ARHGAP26: variants seen among roughly 807,000 people sequenced by gnomAD.
The protein encoded by ARHGAP26 is rho GTPase-activating protein 26.
In ARHGAP26, 38 loss-of-function variants were observed where a neutral mutation model predicts 104.8. The ratio of observed to expected loss-of-function variants is 0.36; its 90% CI spans 0.28 to 0.48. ARHGAP26 has a LOEUF of 0.48. ARHGAP26 is among the 20% of genes least tolerant of loss of function. The pLI is 0.99. For synonymous variants in ARHGAP26, 341 were observed against 340.0 expected, an observed-to-expected ratio of 1.00 and a Z score of -0.03; for missense variants, 704 against 947.9, an observed-to-expected ratio of 0.74 and a Z score of 3.38.
chr5:143,105,796 C>T (rs1295459633), intron 17 of ARHGAP26, among the ~76,000 whole-genome samples: 1 of 152,198 alleles, frequency 6.6e-6, no homozygotes, highest in Non-Finnish European at 1.5e-5. Context: ...CATGTAGCTG[C>T]ACCGGGGCGT....
chr5:143,068,693 C>T (rs1787849674), intron 17 of ARHGAP26, among the ~76,000 whole-genome samples: 1 of 152,230 alleles, frequency 6.6e-6, no homozygotes, highest in Non-Finnish European at 1.5e-5. Flanking sequence ...AAGAATCTTT[C>T]TCAATCCCAT....
chr5:143,080,374 T>C (rs1789631059), intron 17 of ARHGAP26, among the ~76,000 whole-genome samples: 1 of 152,312 alleles, frequency 6.6e-6, no homozygotes, highest in South Asian at 2.1e-4. Flanking sequence ...ATTATAAAGA[T>C]AATTTCAGGT....
chr5:143,107,250 A>T (rs1794151111), intron 17 of ARHGAP26, among the ~76,000 whole-genome samples: 1 of 152,062 alleles, frequency 6.6e-6, no homozygotes, highest in Non-Finnish European at 1.5e-5. Flanking sequence ...GTATGACATG[A>T]GGTTGGAGGG....
At chr5:142,790,682 C>T (rs144270958) in intron 1 of ARHGAP26, among the ~76,000 whole-genome samples, 2 of 152,310 alleles carry the variant, frequency 1.3e-5, no homozygotes, top group East Asian at 3.9e-4. Context: ...TGTGTTTAAG[C>T]TTGGCTGACC....
At chr5:142,956,685 A>G (rs1178185987) in intron 11 of ARHGAP26, among the ~76,000 whole-genome samples, 2 of 152,342 alleles carry the variant, frequency 1.3e-5, no homozygotes, top group Non-Finnish European at 1.5e-5. Context: ...GTATTAGTCC[A>G]TTTTTACACT....
intron 1 of ARHGAP26, among the ~76,000 whole-genome samples, chr5:142,870,547 C>T (rs562675475): frequency 2.4e-4 from 36 of 152,314 alleles, no homozygotes; most frequent in Admixed American, 1.6e-3. Flanking sequence ...TTAACTTCTC[C>T]GAGCTCCAAA....
At chr5:142,930,046 G>T (rs1157101607) in intron 10 of ARHGAP26, among the ~76,000 whole-genome samples, 2 of 152,204 alleles carry the variant, frequency 1.3e-5, no homozygotes, top group South Asian at 4.1e-4. Flanking sequence ...GCCCAGTTCA[G>T]ATTGAGTAGA....
intron 22 of ARHGAP26, among the ~76,000 whole-genome samples, chr5:143,217,323 T>G (rs551605397): frequency 6.6e-6 from 1 of 152,244 alleles, no homozygotes; most frequent in South Asian, 2.1e-4. Context: ...GGGAAATGGA[T>G]GTGCAATACG....
intron 1 of ARHGAP26, among the ~76,000 whole-genome samples, chr5:142,855,103 A>G (rs1413135924): frequency 6.6e-6 from 1 of 152,086 alleles, no homozygotes; most frequent in African/African-American, 2.4e-5. Context: ...AAATGATACA[A>G]CCTGGCAGCG....
chr5:142,806,939 G>C (rs990444088), intron 1 of ARHGAP26, among the ~76,000 whole-genome samples: 1 of 152,212 alleles, frequency 6.6e-6, no homozygotes, highest in African/African-American at 2.4e-5. Flanking sequence ...TATGTGGTGA[G>C]GGCTTTGATA....
chr5:142,945,557 T>C (rs1018976989), intron 11 of ARHGAP26, among the ~76,000 whole-genome samples: 4 of 152,240 alleles, frequency 2.6e-5, no homozygotes, highest in Non-Finnish European at 5.9e-5. Flanking sequence ...TTAAGAGTTC[T>C]CTATTTTGTT....
chr5:142,928,526 G>A (rs1764247631), intron 10 of ARHGAP26, among the ~76,000 whole-genome samples: 1 of 152,128 alleles, frequency 6.6e-6, no homozygotes, highest in African/African-American at 2.4e-5. Context: ...GGACTTGGGT[G>A]GTCAACGTGA....
chr5:142,986,563 T>A (rs1774766891), intron 11 of ARHGAP26, among the ~76,000 whole-genome samples: 1 of 152,204 alleles, frequency 6.6e-6, no homozygotes, highest in African/African-American at 2.4e-5. Context: ...GGTGTTTTAG[T>A]CATGAAATCC....
intron 17 of ARHGAP26, among the ~76,000 whole-genome samples, chr5:143,113,954 C>G (rs1795093601): frequency 6.6e-6 from 1 of 152,172 alleles, no homozygotes; most frequent in Admixed American, 6.5e-5. Context: ...CTGCAGACTT[C>G]ATTCCCCTCC....
chr5:143,075,676 A>T (rs1788894932), intron 17 of ARHGAP26, among the ~76,000 whole-genome samples: 1 of 152,166 alleles, frequency 6.6e-6, no homozygotes, highest in African/African-American at 2.4e-5. Flanking sequence ...GTGCATTTTT[A>T]AAATTGTTAT....
chr5:143,164,756 GC>G (rs1475521737), intron 20 of ARHGAP26, among the ~76,000 whole-genome samples: 1 of 152,162 alleles, frequency 6.6e-6, no homozygotes, highest in African/African-American at 2.4e-5. Context: ...GAAACTCAGA[GC>G]CAGCTTTCTG....
chr5:143,124,180 G>A (rs1375326011), intron 18 of ARHGAP26, among the ~76,000 whole-genome samples: 1 of 152,142 alleles, frequency 6.6e-6, no homozygotes, highest in African/African-American at 2.4e-5. Flanking sequence ...CTCTCATGTT[G>A]TTAACATCTT....
At chr5:142,879,772 G>A (rs1352371806) in intron 4 of ARHGAP26, among the ~76,000 whole-genome samples, 3 of 152,184 alleles carry the variant, frequency 2.0e-5, no homozygotes, top group Non-Finnish European at 2.9e-5. Context: ...TTAGACAATT[G>A]TCTTTATTGA....
intron 10 of ARHGAP26, among the ~76,000 whole-genome samples, chr5:142,929,922 G>A (rs1365334325): frequency 1.3e-5 from 2 of 152,228 alleles, no homozygotes; most frequent in Admixed American, 6.5e-5. Flanking sequence ...AGGGCAGGGG[G>A]AACAGGAAGG....
Sources: gnomAD v4.1 joint callset for allele counts (sites outside exome capture counted in the v4.1 genomes callset) on GRCh38, gnomAD v4.1.1 for gene constraint, MANE v1.5 for transcripts, NCBI Gene and HGNC (gene_info 2026-07-23, HGNC 2026-07-21) for gene names.